Variants in FRMPD4 observed in about 807,000 individuals in gnomAD.
The protein encoded by FRMPD4 is FERM and PDZ domain containing 4.
A neutral mutation model predicts 94.1 loss-of-function variants in FRMPD4; 22 were observed. The observed-to-expected ratio is 0.23, with a 90% CI of 0.17 to 0.33. The LOEUF is 0.33. Ranked by LOEUF, FRMPD4 falls within the 10% of genes least tolerant of loss-of-function variation. FRMPD4 has a pLI of 1.00. For missense variants in FRMPD4, 1,111 were observed against 1,339.9 expected (o/e 0.83, Z 2.67); for synonymous variants, 631 against 548.6 (o/e 1.15, Z -2.10).
At chrX:12,709,940 C>T (rs996046907) in intron 13 of FRMPD4, among the ~76,000 whole-genome samples, 1 of 110,606 alleles carries the variant, frequency 9.0e-6, no homozygotes, top group East Asian at 2.8e-4. Flanking sequence ...ACAGCCTGGC[C>T]AACATGGTGA....
intron 2 of FRMPD4, among the ~76,000 whole-genome samples, chrX:12,546,711 C>G (rs1239814974): frequency 9.0e-6 from 1 of 111,277 alleles, no homozygotes; most frequent in East Asian, 2.8e-4. Context: ...CCCCAGTAGT[C>G]TTTCCATCTG....
intron 3 of FRMPD4, among the ~76,000 whole-genome samples, chrX:12,124,500 A>G (rs1334260516): frequency 4.5e-5 from 5 of 111,865 alleles, no homozygotes; most frequent in African/African-American, 1.6e-4. Context: ...AAGCTATAAA[A>G]TTAAAAGTAA....
chrX:12,643,912 T>C (rs980925070), intron 4 of FRMPD4, among the ~76,000 whole-genome samples: 3 of 112,264 alleles, frequency 2.7e-5, no homozygotes, highest in Non-Finnish European at 5.6e-5. Flanking sequence ...CCACCAACAC[T>C]AAATTTTTTC....
At chrX:11,982,427 C>G (rs2147389610) in intron 3 of FRMPD4, among the ~76,000 whole-genome samples, 1 of 111,012 alleles carries the variant, frequency 9.0e-6, no homozygotes, top group South Asian at 3.8e-4. Context: ...TTCATTAAAA[C>G]TCCTACATTG....
In FRMPD4 at chrX:12,694,376, C is replaced by A; in HGVS notation, c.855C>A (p.Phe285Leu). 1 of 1,191,499 alleles carries A rather than the reference C, an allele frequency of 8.4e-7. No homozygotes were observed. The highest frequency in any genetic ancestry group is 1.1e-6 in the Non-Finnish European group (1 of 877,037). ...GCTCCCATAAGATGAGATGTCTTTT[C>A]CGAATTAGCTTCGTCCCAAAAGATC... ...RPSSHKMRCL[F>L]RISFVPKDPI... Residue 285 changes from phenylalanine (F) to leucine (L), a missense_variant, in exon 9 of 17, where the codon TTC (phenylalanine) becomes TTA (leucine). Around this residue, in one of 8 missense-constraint regions of FRMPD4, gnomAD observed 37 missense variants for 101.0 expected, o/e 0.37. Transcript: ENST00000675598.
At chrX:12,390,132 G>C (rs1160438379) in intron 1 of FRMPD4, among the ~76,000 whole-genome samples, 1 of 112,266 alleles carries the variant, frequency 8.9e-6, no homozygotes, top group Non-Finnish European at 1.9e-5. Context: ...TCAGATTTGT[G>C]ATGGAGGAAT....
At chrX:12,516,172 TTAATTGGAGCA>T (rs1458359576) in intron 2 of FRMPD4, among the ~76,000 whole-genome samples, 2 of 112,125 alleles carry the variant, frequency 1.8e-5, no homozygotes, top group African/African-American at 6.5e-5. Context: ...TCTGTGTCTT[TTAATTGGAGCA>T]TTTAGGCCAT....
intron 1 of FRMPD4, among the ~76,000 whole-genome samples, chrX:11,840,110 G>A (rs1397875182): frequency 1.8e-5 from 2 of 111,483 alleles, no homozygotes; most frequent in African/African-American, 6.5e-5. Flanking sequence ...ATAAAACAGT[G>A]TGATGAGATT....
intron 1 of FRMPD4, among the ~76,000 whole-genome samples, chrX:11,856,887 A>G (rs1478364756): frequency 1.8e-5 from 2 of 112,042 alleles, no homozygotes; most frequent in Non-Finnish European, 3.8e-5. Flanking sequence ...ATGTGCAAAA[A>G]TCACTAGCAA....
intron 1 of FRMPD4, among the ~76,000 whole-genome samples, chrX:12,186,112 A>G (rs2056421768): frequency 9.0e-6 from 1 of 111,552 alleles, no homozygotes; most frequent in Non-Finnish European, 1.9e-5. Flanking sequence ...ACTCCAAGGC[A>G]TTTCAACTCT....
At chrX:12,379,385 G>A (rs1044469622) in intron 1 of FRMPD4, among the ~76,000 whole-genome samples, 2 of 111,913 alleles carry the variant, frequency 1.8e-5, no homozygotes, top group Non-Finnish European at 3.8e-5. Context: ...ACTAGGTATT[G>A]GATTTGCCCT....
At chrX:12,448,930 G>C (rs1049778705) in intron 1 of FRMPD4, among the ~76,000 whole-genome samples, 18 of 111,381 alleles carry the variant, frequency 1.6e-4, no homozygotes, top group Admixed American at 5.7e-4. Flanking sequence ...GCTTAAGGGT[G>C]CTTAGGATCC....
At chrX:12,248,437 T>G (rs1432558238) in intron 1 of FRMPD4, among the ~76,000 whole-genome samples, 1 of 112,329 alleles carries the variant, frequency 8.9e-6, no homozygotes, top group African/African-American at 3.2e-5. Context: ...GTAGTCCTTG[T>G]AGAGTCCAAG....
At chrX:12,191,438 C>A (rs1387368845) in intron 1 of FRMPD4, among the ~76,000 whole-genome samples, 1 of 111,940 alleles carries the variant, frequency 8.9e-6, no homozygotes, top group Non-Finnish European at 1.9e-5. Flanking sequence ...AACAAAAGCC[C>A]GCACACGAAT....
At chrX:12,491,796 G>A (rs1364760085) in intron 1 of FRMPD4, among the ~76,000 whole-genome samples, 1 of 111,710 alleles carries the variant, frequency 9.0e-6, no homozygotes, top group Non-Finnish European at 1.9e-5. Flanking sequence ...GAAAGGTAAG[G>A]ACATTGTCCA....
At chrX:12,482,622 A>C (rs2057699958) in intron 1 of FRMPD4, among the ~76,000 whole-genome samples, 1 of 112,201 alleles carries the variant, frequency 8.9e-6, no homozygotes, top group Admixed American at 9.4e-5. Flanking sequence ...CAGTCCAATA[A>C]AATTATAACA....
intron 1 of FRMPD4, among the ~76,000 whole-genome samples, chrX:12,360,551 T>C (rs1375799421): frequency 8.9e-6 from 1 of 111,793 alleles, no homozygotes; most frequent in Admixed American, 9.5e-5. Context: ...TATGAACAAG[T>C]CTGAGTCACT....
intron 1 of FRMPD4, among the ~76,000 whole-genome samples, chrX:12,468,020 G>A (rs1394029354): frequency 8.9e-6 from 1 of 112,201 alleles, no homozygotes; most frequent in African/African-American, 3.2e-5. Context: ...CCAGGGCATA[G>A]AGTAACAAAT....
chrX:12,190,602 C>G (rs890995509), intron 1 of FRMPD4, among the ~76,000 whole-genome samples: 2 of 108,990 alleles, frequency 1.8e-5, no homozygotes, highest in African/African-American at 6.7e-5. Context: ...TATTAGTCAC[C>G]TGATCTTTGA....
Sources: gnomAD v4.1 joint callset for allele counts (sites outside exome capture counted in the v4.1 genomes callset) on GRCh38, gnomAD v4.1.1 for gene constraint, gnomAD v4.1.1 regional missense constraint, MANE v1.5 for transcripts, NCBI Gene and HGNC (gene_info 2026-07-23, HGNC 2026-07-21) for gene names.